Variants in LMX1A observed in about 807,000 individuals in gnomAD.
LMX1A encodes LIM homeobox transcription factor 1-alpha.
LMX1A carries 15 observed loss-of-function variants against 49.1 expected under a neutral mutation model. That is an observed-to-expected ratio of 0.31 (90% confidence interval 0.20 to 0.47). LMX1A has a LOEUF of 0.47. LMX1A is among the 20% of genes least tolerant of loss of function. LMX1A has a pLI of 1.00. For synonymous variants in LMX1A, 167 were observed against 185.7 expected, an observed-to-expected ratio of 0.90 and a Z score of 0.82; for missense variants, 372 against 475.8, an observed-to-expected ratio of 0.78 and a Z score of 2.03.
intron 3 of LMX1A, among the ~76,000 whole-genome samples, chr1:165,265,955 G>T (rs1653606975): frequency 6.6e-6 from 1 of 152,154 alleles, no homozygotes; most frequent in Admixed American, 6.5e-5. Context: ...AGTGAAAAAG[G>T]TAATCAGGGA....
intron 3 of LMX1A, among the ~76,000 whole-genome samples, chr1:165,343,970 A>C (rs1656160908): frequency 6.6e-6 from 1 of 152,232 alleles, no homozygotes; most frequent in South Asian, 2.1e-4. Flanking sequence ...ACATTCTCCC[A>C]ATTTGACAGC....
intron 3 of LMX1A, among the ~76,000 whole-genome samples, chr1:165,279,559 C>G (rs1654081971): frequency 6.6e-6 from 1 of 152,180 alleles, no homozygotes; most frequent in Non-Finnish European, 1.5e-5. Context: ...TGCTCTCTGT[C>G]TGGGAAGCTC....
intron 4 of LMX1A, among the ~76,000 whole-genome samples, chr1:165,220,321 C>A (rs1651795444): frequency 6.6e-6 from 1 of 151,580 alleles, no homozygotes; most frequent in Non-Finnish European, 1.5e-5. Context: ...TATCAATTAG[C>A]CAGAGAAGTT....
At chr1:165,324,980 C>T (rs1478013104) in intron 3 of LMX1A, among the ~76,000 whole-genome samples, 1 of 152,162 alleles carries the variant, frequency 6.6e-6, no homozygotes, top group African/African-American at 2.4e-5. Context: ...AAGTTTAAAG[C>T]ACTGCTACAA....
At chr1:165,325,711 G>A (rs570369009) in intron 3 of LMX1A, among the ~76,000 whole-genome samples, 184 of 152,106 alleles carry the variant, frequency 1.2e-3, no homozygotes, top group Non-Finnish European at 1.9e-3. Flanking sequence ...CTTTGAGAGC[G>A]TGAGACTGAT....
Position 165,210,679 on chromosome 1 carries a change from A to T in LMX1A, c.747+20T>A. ...GGAAACCAGCAACATGGGGACAGATAAAAGTAAGAAGCAGGTTACCTTCGC... is the reference window on the plus strand; with the variant it reads ...GGAAACCAGCAACATGGGGACAGATTAAAGTAAGAAGCAGGTTACCTTCGC... On this transcript the variant is annotated intron_variant, in intron 6 of 8. Transcript: ENST00000342310. 6.3e-7 allele frequency: 1 copy of T among 1,590,524 alleles called. No homozygotes were observed.
chr1:165,242,940 A>C lies in LMX1A; in HGVS notation c.496+6468T>G, dbSNP rs1345022006. Among the ~76,000 whole-genome samples the C allele has an allele frequency of 1.8e-4, 26 of 144,522 alleles. 1 individual carries two copies. The highest frequency in any genetic ancestry group is 6.3e-4 in the African/African-American group (25 of 39,662). 94.8% of individuals were successfully genotyped at this position (144,522 alleles called of 152,430 possible). On this transcript the variant is annotated intron_variant, in intron 4 of 8. Transcript: ENST00000342310. ...GCGAAACTCCACCTCAAAAAAAAAA[A>C]AAAAAAACAAAACAAAAACATAAAA...
At chr1:165,347,537 C>T (rs2101769025) in intron 3 of LMX1A, among the ~76,000 whole-genome samples, 1 of 152,228 alleles carries the variant, frequency 6.6e-6, no homozygotes, top group Non-Finnish European at 1.5e-5. Flanking sequence ...TTTACAAATC[C>T]ATGTCAGAAA....
At position 165,302,380 on chromosome 1, in the gene LMX1A, G is replaced by A. The variant is rs538303214; in HGVS notation, c.263+50696C>T. ...AGTTGCTTGAACCCAGGAGATGGAG[G>A]TTGCAGTAAGCCAAGATCACACCAC... On this transcript the variant is annotated intron_variant, in intron 3 of 8. Coordinates refer to ENST00000342310, the MANE Select transcript of LMX1A (RefSeq NM_177398.4). 3.3e-5 allele frequency among the ~76,000 whole-genome samples: 5 copies of A among 152,052 alleles called. No individual in the cohort carries two copies. The East Asian group carries it at 5.8e-4, about 18-fold the overall frequency.
intron 3 of LMX1A, among the ~76,000 whole-genome samples, chr1:165,260,653 A>T (rs1653406129): frequency 6.6e-6 from 1 of 152,222 alleles, no homozygotes; most frequent in East Asian, 1.9e-4. Flanking sequence ...CATCTGGTGC[A>T]CTGCCTAGCA....
intron 3 of LMX1A, among the ~76,000 whole-genome samples, chr1:165,285,490 G>T (rs1212585944): frequency 6.6e-6 from 1 of 152,208 alleles, no homozygotes; most frequent in Non-Finnish European, 1.5e-5. Flanking sequence ...TCTAAGAGCT[G>T]TTCTGTGTCT....
intron 3 of LMX1A, among the ~76,000 whole-genome samples, chr1:165,317,924 GC>G (rs1267936173): frequency 2.0e-5 from 3 of 152,226 alleles, no homozygotes; most frequent in African/African-American, 7.2e-5. Context: ...GATTCAGGGT[GC>G]TTTTCTCAAC....
chr1:165,355,029 G>C lies in LMX1A; in HGVS notation c.76+455C>G, dbSNP rs934385608. Among the ~76,000 whole-genome samples, 2 of 152,096 alleles carry C rather than the reference G, an allele frequency of 1.3e-5. No individual in the cohort carries two copies. The highest frequency in any genetic ancestry group is 6.5e-5 in the Admixed American group (1 of 15,276). On this transcript the variant is annotated intron_variant, in intron 2 of 8. Coordinates refer to ENST00000342310, the MANE Select transcript of LMX1A (RefSeq NM_177398.4). This position sits in a 1 kb window ranked among gnomAD's most constrained non-coding sequence, Gnocchi z 4.7. ...CTACTGGCCCAGAAAAGTCTCTCTCGGCCTTGCCCATGGCTGAAATTGGGG... is the reference window on the plus strand; with the variant it reads ...CTACTGGCCCAGAAAAGTCTCTCTCCGCCTTGCCCATGGCTGAAATTGGGG...
chr1:165,250,260 G>A (rs1257785790), intron 3 of LMX1A, among the ~76,000 whole-genome samples: 1 of 152,134 alleles, frequency 6.6e-6, no homozygotes, highest in African/African-American at 2.4e-5. Context: ...TAAAAAAAAA[G>A]AGGAGTATCT....
rs1322420157 is a variant in LMX1A at position 165,353,181 on chromosome 1, C to T, written c.158G>A (p.Ser53Asn). 5 of 1,614,054 alleles carry T rather than the reference C, an allele frequency of 3.1e-6. No individual in the cohort carries two copies. Among genetic ancestry groups the T allele is most frequent in the Non-Finnish European group, 4.2e-6 (5 of 1,180,046 alleles). Residue 53 changes from serine (S) to asparagine (N), a missense_variant, in exon 3 of 9, where the codon AGC becomes AAC. Coordinates refer to ENST00000342310, the MANE Select transcript of LMX1A (RefSeq NM_177398.4). ...LDRFLLRLNDSFWHEQCVQCA... is the reference protein window; with the variant it reads ...LDRFLLRLNDNFWHEQCVQCA... ...CTGCACGCACTGCTCATGCCAGAAG[C>T]TGTCGTTGAGCCGCAGCAGAAACCT...
At chr1:165,293,877 T>C (rs1365669814) in intron 3 of LMX1A, among the ~76,000 whole-genome samples, 1 of 152,118 alleles carries the variant, frequency 6.6e-6, no homozygotes, top group African/African-American at 2.4e-5. Context: ...CCTAATACCA[T>C]CATGTTGGAG....
intron 3 of LMX1A, among the ~76,000 whole-genome samples, chr1:165,329,196 T>C (rs1272485435): frequency 6.6e-6 from 1 of 152,136 alleles, no homozygotes; most frequent in Non-Finnish European, 1.5e-5. Flanking sequence ...TGTCAAACAC[T>C]TATAAAATCA....
At chr1:165,249,705 C>T in intron 3 of LMX1A, 65 bp from the exon 4 acceptor site, 1 of 1,239,664 alleles carries the variant, frequency 8.1e-7, no homozygotes, top group East Asian at 2.5e-5. Flanking sequence ...CTGGGTCTCC[C>T]CTGAAGTCAA....
At chr1:165,284,099 C>T (rs988470812) in intron 3 of LMX1A, among the ~76,000 whole-genome samples, 4 of 152,188 alleles carry the variant, frequency 2.6e-5, no homozygotes, top group African/African-American at 9.7e-5. Flanking sequence ...GTCCAGGGCT[C>T]GGCCCCTAAT....
Sources: allele counts gnomAD v4.1 joint callset (sites outside exome capture counted in the v4.1 genomes callset), GRCh38; gene constraint gnomAD v4.1.1; non-coding constraint Gnocchi (gnomAD v3.1); transcripts MANE v1.5; gene names NCBI Gene and HGNC (gene_info 2026-07-23, HGNC 2026-07-21).